The following VAV3 variants were observed in gnomAD, a reference collection of about 807,000 sequenced individuals.
VAV3 encodes the protein vav guanine nucleotide exchange factor 3.
Under a neutral mutation model 131.2 loss-of-function variants are expected in VAV3, and 94 were observed. The ratio of observed to expected loss-of-function variants is 0.72; its 90% CI spans 0.61 to 0.85. The LOEUF is 0.85. VAV3 is among the 40% of genes least tolerant of loss of function. VAV3 has a pLI of 0.00. For missense variants in VAV3, 939 were observed against 1,002.7 expected (o/e 0.94, Z 0.86); for synonymous variants, 349 against 342.0 (o/e 1.02, Z -0.22).
chr1:107,890,351 C>A (rs1482581761), intron 1 of VAV3, among the ~76,000 whole-genome samples: 2 of 152,068 alleles, frequency 1.3e-5, no homozygotes, highest in Non-Finnish European at 2.9e-5. Flanking sequence ...AGAATACTAA[C>A]CAGGTTGAAG....
chr1:107,732,293 A>G (rs1662293695), intron 15 of VAV3, among the ~76,000 whole-genome samples: 2 of 152,338 alleles, frequency 1.3e-5, no homozygotes, highest in Non-Finnish European at 2.9e-5. Context: ...TCCCAGCGTG[A>G]CTGACGCAGA....
At chr1:107,775,198 G>A (rs1335296328) in intron 4 of VAV3, among the ~76,000 whole-genome samples, 1 of 127,868 alleles carries the variant, frequency 7.8e-6, no homozygotes, top group African/African-American at 2.9e-5. Flanking sequence ...GATTTATCCT[G>A]ACATCATGTC....
intron 15 of VAV3, among the ~76,000 whole-genome samples, chr1:107,711,425 C>A (rs1312622021): frequency 1.3e-5 from 2 of 152,072 alleles, no homozygotes; most frequent in Non-Finnish European, 2.9e-5. Context: ...TTTTTTAAGT[C>A]TAGGCAGATT....
chr1:107,840,939 A>G (rs1668677659), intron 2 of VAV3, among the ~76,000 whole-genome samples: 1 of 151,884 alleles, frequency 6.6e-6, no homozygotes. Flanking sequence ...AAAAAAATTC[A>G]TCTGGCAATC....
chr1:107,703,831 G>A (rs79843746), intron 17 of VAV3, among the ~76,000 whole-genome samples: 2,243 of 152,120 alleles, frequency 0.015, 61 homozygotes, highest in African/African-American at 0.052. Flanking sequence ...AGAGAAACTC[G>A]GGGGAAAAGG....
chr1:107,601,158 C>G (rs1036677922), intron 24 of VAV3, among the ~76,000 whole-genome samples: 1 of 152,168 alleles, frequency 6.6e-6, no homozygotes, highest in Non-Finnish European at 1.5e-5. Flanking sequence ...CCAATTCTCT[C>G]TGTGCTCAGC....
chr1:107,699,624 G>A (rs1020442320), intron 17 of VAV3, among the ~76,000 whole-genome samples: 4 of 152,338 alleles, frequency 2.6e-5, no homozygotes, highest in African/African-American at 7.2e-5. Flanking sequence ...CCCTAGCAGA[G>A]GTTCTCCATG....
chr1:107,700,192 G>A (rs574149274), intron 17 of VAV3, among the ~76,000 whole-genome samples: 3 of 152,226 alleles, frequency 2.0e-5, no homozygotes, highest in Non-Finnish European at 4.4e-5. Flanking sequence ...AAAAGCCAAA[G>A]TGATTGAACA....
chr1:107,792,771 T>G (rs1209065672), intron 2 of VAV3, among the ~76,000 whole-genome samples: 1 of 152,152 alleles, frequency 6.6e-6, no homozygotes, highest in Non-Finnish European at 1.5e-5. Context: ...TACTATCAAA[T>G]TGAATACGAA....
chr1:107,715,733 A>G (rs1161492121), intron 15 of VAV3, among the ~76,000 whole-genome samples: 14 of 152,212 alleles, frequency 9.2e-5, no homozygotes, highest in Admixed American at 9.2e-4. Flanking sequence ...TTAAACAGCA[A>G]CACATCTCCC....
At chr1:107,922,860 G>C (rs1019968110) in intron 1 of VAV3, among the ~76,000 whole-genome samples, 2 of 151,824 alleles carry the variant, frequency 1.3e-5, no homozygotes, top group African/African-American at 2.4e-5. Flanking sequence ...GCTGAGGCGG[G>C]AGAATGGCGT....
Position 107,891,554 on chromosome 1 carries a change from T to C in VAV3, c.205-16537A>G, listed in dbSNP as rs961979256. Reference sequence around the variant, plus strand: ...GTGTAGTCATTAAGAAAGGGCTCAGTTGGGGTGGGCACGGTAGCTCATGCC... The same window carrying C: ...GTGTAGTCATTAAGAAAGGGCTCAGCTGGGGTGGGCACGGTAGCTCATGCC... On this transcript the variant is annotated intron_variant, in intron 1 of 26. Coordinates refer to ENST00000370056, the MANE Select transcript of VAV3 (RefSeq NM_006113.5). Among the ~76,000 whole-genome samples, 9 of 151,182 alleles carry C rather than the reference T, an allele frequency of 6.0e-5. No homozygotes were observed. The Middle Eastern group carries it at 0.01, about 173-fold the overall frequency.
chr1:107,627,918 A>G (rs566303220), intron 20 of VAV3, among the ~76,000 whole-genome samples: 1 of 152,346 alleles, frequency 6.6e-6, no homozygotes, highest in South Asian at 2.1e-4. Context: ...CTATGGACTG[A>G]ATGCCTATTT....
intron 19 of VAV3, chr1:107,677,814 C>G (rs533250428): frequency 4.6e-5 from 7 of 152,200 alleles, no homozygotes; most frequent in South Asian, 2.1e-4. Flanking sequence ...AGATATTCAC[C>G]TCACCTTTGT....
At chr1:107,579,497 C>A (rs1164613674) in intron 25 of VAV3, among the ~76,000 whole-genome samples, 1 of 152,192 alleles carries the variant, frequency 6.6e-6, no homozygotes, top group African/African-American at 2.4e-5. Context: ...CACCGTTCAG[C>A]CCTCCTTGTC....
At chr1:107,842,359 C>A (rs1407409845) in intron 2 of VAV3, among the ~76,000 whole-genome samples, 1 of 152,178 alleles carries the variant, frequency 6.6e-6, no homozygotes, top group Non-Finnish European at 1.5e-5. Context: ...CAGGAGTGAA[C>A]AGCTGACTCA....
intron 2 of VAV3, among the ~76,000 whole-genome samples, chr1:107,871,325 C>G (rs1670242477): frequency 6.6e-6 from 1 of 151,470 alleles, no homozygotes; most frequent in African/African-American, 2.4e-5. Context: ...TCAACGTCCC[C>G]CATTCCCCCC....
Position 107,756,627 on chromosome 1 carries a change from C to T in VAV3, c.1086+634G>A, listed in dbSNP as rs143580386. 5.7e-3 allele frequency among the ~76,000 whole-genome samples: 868 copies of T among 151,878 alleles called. 5 individuals are homozygous for T. Among genetic ancestry groups the T allele is most frequent in the East Asian group, 7.9e-3 (41 of 5,176 alleles). On this transcript the variant is annotated intron_variant, in intron 11 of 26. Transcript: ENST00000370056. ...TTTAAGTTATTGGCAAATATTATTTCGTTTCAAAGTCATTTTTATTTAACA... is the reference window on the plus strand; with the variant it reads ...TTTAAGTTATTGGCAAATATTATTTTGTTTCAAAGTCATTTTTATTTAACA...
At chr1:107,863,830 C>G (rs528739092) in intron 2 of VAV3, among the ~76,000 whole-genome samples, 5 of 152,256 alleles carry the variant, frequency 3.3e-5, no homozygotes, top group Admixed American at 1.3e-4. Flanking sequence ...GATTTCAGTT[C>G]TCAAACCAGA....
Sources: gnomAD v4.1 joint callset for allele counts (sites outside exome capture counted in the v4.1 genomes callset) on GRCh38, gnomAD v4.1.1 for gene constraint, MANE v1.5 for transcripts, NCBI Gene and HGNC (gene_info 2026-07-23, HGNC 2026-07-21) for gene names.